The following RALB variants were observed in gnomAD, a reference collection of about 807,000 sequenced individuals.
The protein encoded by RALB is RAS like proto-oncogene B.
In RALB, 16 loss-of-function variants were observed where a neutral mutation model predicts 21.3. The ratio of observed to expected loss-of-function variants is 0.75; its 90% confidence interval spans 0.51 to 1.14. RALB has a LOEUF of 1.14. Ranked by LOEUF, RALB falls within the 50% of genes most tolerant of loss-of-function variation. The pLI, the probability that RALB is intolerant of heterozygous loss-of-function variation, is 0.00. For missense variants in RALB, 161 were observed against 256.2 expected, an observed-to-expected ratio of 0.63 and a Z score of 2.54; for synonymous variants, 93 against 96.1, an observed-to-expected ratio of 0.97 and a Z score of 0.19.
chr2:120,263,377 T>C (rs1467078011), intron 1 of RALB, among the ~76,000 whole-genome samples: 2 of 152,126 alleles, frequency 1.3e-5, no homozygotes, highest in African/African-American at 4.8e-5. Context: ...CAGGCTGGTC[T>C]TAAACTCCTG....
intron 1 of RALB, among the ~76,000 whole-genome samples, chr2:120,240,488 C>T (rs1688876233): frequency 6.6e-6 from 1 of 151,876 alleles, no homozygotes; most frequent in African/African-American, 2.4e-5. Context: ...TTTGTAGAGA[C>T]AGGGTTTCAC....
chr2:120,263,235 C>G (rs1207140317), intron 1 of RALB, among the ~76,000 whole-genome samples: 1 of 152,086 alleles, frequency 6.6e-6, no homozygotes, highest in Non-Finnish European at 1.5e-5. Context: ...GCGGTGAGAT[C>G]ACAGCTCACT....
chr2:120,244,188 A>G (rs1437729774), intron 1 of RALB, among the ~76,000 whole-genome samples: 1 of 152,242 alleles, frequency 6.6e-6, no homozygotes, highest in African/African-American at 2.4e-5. Context: ...CCCATGATTC[A>G]ATCACCTCCT....
intron 1 of RALB, among the ~76,000 whole-genome samples, chr2:120,244,915 C>T (rs778956725): frequency 5.3e-5 from 8 of 152,188 alleles, no homozygotes; most frequent in Non-Finnish European, 1.0e-4. Context: ...GGAGCAGGAG[C>T]GCTGGGAGGC....
chr2:120,254,124 A>C (rs1689133925), intron 1 of RALB, among the ~76,000 whole-genome samples: 1 of 152,102 alleles, frequency 6.6e-6, no homozygotes, highest in East Asian at 1.9e-4. Flanking sequence ...GAAAAACAGG[A>C]GGGGTGAGTT....
At chr2:120,280,549 G>C (rs1022682588) in intron 2 of RALB, among the ~76,000 whole-genome samples, 9 of 137,426 alleles carry the variant, frequency 6.5e-5, no homozygotes, top group Non-Finnish European at 1.1e-4. Flanking sequence ...GGGGCCTTTT[G>C]GGGGGCGGGG....
intron 1 of RALB, among the ~76,000 whole-genome samples, chr2:120,262,593 G>T (rs115903155): frequency 6.6e-6 from 1 of 152,152 alleles, no homozygotes; most frequent in African/African-American, 2.4e-5. Flanking sequence ...CTTAAGAGGA[G>T]GGTGGTCCTG....
At chr2:120,258,643 G>A (rs919033972) in intron 1 of RALB, among the ~76,000 whole-genome samples, 2 of 152,182 alleles carry the variant, frequency 1.3e-5, no homozygotes, top group African/African-American at 4.8e-5. Flanking sequence ...AGGAAGCTGG[G>A]GCTGTTGAAT....
At chr2:120,253,120 C>G (rs1689100080) in intron 1 of RALB, 140 bp downstream of exon 1, 2 of 561,640 alleles carry the variant, frequency 3.6e-6, no homozygotes, top group Non-Finnish European at 4.5e-6. Flanking sequence ...GCCCCGAGGC[C>G]GGCGGAGGGC....
chr2:120,276,557 C>T (rs146961093), intron 1 of RALB, among the ~76,000 whole-genome samples: 4,638 of 151,646 alleles, frequency 0.031, 117 homozygotes, highest in East Asian at 0.078. Context: ...GAGCCGAGAT[C>T]GTTCCATTGC....
chr2:120,283,356 T>C (rs898795112), intron 2 of RALB, among the ~76,000 whole-genome samples: 30 of 152,334 alleles, frequency 2.0e-4, no homozygotes, highest in Admixed American at 7.2e-4. Context: ...GTTTTTCCGA[T>C]GTGGCCCAGG....
intron 3 of RALB, among the ~76,000 whole-genome samples, chr2:120,286,740 C>A (rs1055686057): frequency 6.6e-6 from 1 of 152,228 alleles, no homozygotes; most frequent in East Asian, 1.9e-4. Context: ...GGGCAAGAAC[C>A]TGGCTACCCT....
At chr2:120,251,905 T>C (rs1333659211), upstream of RALB, among the ~76,000 whole-genome samples, 2 of 152,174 alleles carry the variant, frequency 1.3e-5, no homozygotes, top group African/African-American at 4.8e-5. Flanking sequence ...TACATAGCAA[T>C]CTAATCATGG....
intron 1 of RALB, among the ~76,000 whole-genome samples, chr2:120,277,536 TTGTG>T (rs376774307): frequency 6.7e-5 from 10 of 149,272 alleles, no homozygotes; most frequent in East Asian, 3.9e-4. Flanking sequence ...GAGTGTGTAG[TTGTG>T]TGTGTGTGTG....
chr2:120,246,786 G>C (rs536683642), intron 1 of RALB, among the ~76,000 whole-genome samples: 1 of 152,168 alleles, frequency 6.6e-6, no homozygotes, highest in Admixed American at 6.5e-5. Flanking sequence ...CAGAGGTCAC[G>C]GGGACTGTGA....
At chr2:120,290,644 T>TTA (rs397772827) in intron 4 of RALB, among the ~76,000 whole-genome samples, 4 of 151,886 alleles carry the variant, frequency 2.6e-5, no homozygotes, top group Non-Finnish European at 4.4e-5. Context: ...TTTTTTTTTT[T>TTA]ATCTCTTATC....
chr2:120,252,707 C>A, upstream of RALB: 4 of 916,962 alleles, frequency 4.4e-6, no homozygotes, highest in Non-Finnish European at 5.2e-6. Flanking sequence ...TCCCCGGCCG[C>A]CCGCTGCTTG....
intron 1 of RALB, among the ~76,000 whole-genome samples, chr2:120,261,962 T>C (rs1410306708): frequency 6.6e-6 from 1 of 151,890 alleles, no homozygotes; most frequent in Non-Finnish European, 1.5e-5. Context: ...TAATGTTAGA[T>C]AGAAGGAAAG....
chr2:120,283,723 A>G (rs563567783), intron 2 of RALB, among the ~76,000 whole-genome samples: 37 of 152,372 alleles, frequency 2.4e-4, no homozygotes, highest in Middle Eastern at 3.4e-3. Flanking sequence ...AAGTCAGCTT[A>G]GAAAGAAAGG....
Sources: gnomAD v4.1 joint callset for allele counts (sites outside exome capture counted in the v4.1 genomes callset) on GRCh38, gnomAD v4.1.1 for gene constraint, MANE v1.5 for transcripts, NCBI Gene and HGNC (gene_info 2026-07-23, HGNC 2026-07-21) for gene names.